Variants in CSMD1 observed in about 807,000 individuals in gnomAD.
CSMD1 encodes CUB and sushi domain-containing protein 1.
In CSMD1, 213 loss-of-function variants were observed where a neutral mutation model predicts 417.5. The ratio of observed to expected loss-of-function variants is 0.51; its 90% CI spans 0.46 to 0.57. The LOEUF is 0.57. Ranked by LOEUF, CSMD1 falls within the 20% of genes least tolerant of loss-of-function variation. The pLI is 0.00. For synonymous variants in CSMD1, 2,862 were observed against 1,736.8 expected (o/e 1.65, Z -16.11); for missense variants, 6,923 against 4,529.7 (o/e 1.53, Z -15.17).
chr8:2,993,904 C>T (rs1447680376), intron 54 of CSMD1, among the ~76,000 whole-genome samples: 1 of 151,294 alleles, frequency 6.6e-6, no homozygotes, highest in Non-Finnish European at 1.5e-5. Context: ...CAATGGCTCA[C>T]TCCTGTAATC....
chr8:4,708,987 G>A (rs1021413615), intron 1 of CSMD1, among the ~76,000 whole-genome samples: 1 of 152,078 alleles, frequency 6.6e-6, no homozygotes, highest in Non-Finnish European at 1.5e-5. Context: ...TCGATCTTGG[G>A]CTTCCAACCT....
At chr8:3,621,372 A>C (rs1796235784) in intron 7 of CSMD1, among the ~76,000 whole-genome samples, 1 of 152,180 alleles carries the variant, frequency 6.6e-6, no homozygotes. Flanking sequence ...AAGAGGTTAA[A>C]AACGAAGAGT....
intron 3 of CSMD1, among the ~76,000 whole-genome samples, chr8:4,105,309 A>C (rs1239396193): frequency 6.6e-6 from 1 of 151,030 alleles, no homozygotes; most frequent in Non-Finnish European, 1.5e-5. Flanking sequence ...TCATTGCTTT[A>C]GTGATCTTAA....
At chr8:4,707,886 C>CA (rs552510236) in intron 1 of CSMD1, among the ~76,000 whole-genome samples, 149 of 100,802 alleles carry the variant, frequency 1.5e-3, no homozygotes, top group Non-Finnish European at 2.2e-3. Context: ...GACTTTGTTT[C>CA]AAAAAAAAAA....
At chr8:3,449,618 A>G (rs892482186) in intron 12 of CSMD1, among the ~76,000 whole-genome samples, 5 of 152,078 alleles carry the variant, frequency 3.3e-5, no homozygotes, top group Admixed American at 6.6e-5. Flanking sequence ...CTTGGGTTCA[A>G]GCAATACTCC....
At chr8:3,898,691 G>C (rs998852079) in intron 5 of CSMD1, among the ~76,000 whole-genome samples, 6 of 152,196 alleles carry the variant, frequency 3.9e-5, no homozygotes, top group Admixed American at 2.6e-4. Context: ...CTCATTCAGA[G>C]TTCAGAATGG....
At chr8:4,470,103 C>T (rs1299383329) in intron 2 of CSMD1, among the ~76,000 whole-genome samples, 1 of 152,004 alleles carries the variant, frequency 6.6e-6, no homozygotes, top group Non-Finnish European at 1.5e-5. Context: ...ATCTCCTGAT[C>T]TCGTGATCCG....
chr8:4,353,472 A>G (rs2128902707), intron 3 of CSMD1, among the ~76,000 whole-genome samples: 1 of 152,200 alleles, frequency 6.6e-6, no homozygotes, highest in Admixed American at 6.6e-5. Flanking sequence ...GAAAAGAATA[A>G]TACATTCTTT....
At chr8:4,756,081 T>C (rs909570399) in intron 1 of CSMD1, among the ~76,000 whole-genome samples, 1 of 152,238 alleles carries the variant, frequency 6.6e-6, no homozygotes, top group Non-Finnish European at 1.5e-5. Context: ...AAGACCTTTA[T>C]TCTATGTATG....
intron 1 of CSMD1, among the ~76,000 whole-genome samples, chr8:4,885,331 T>C (rs1803668665): frequency 6.6e-6 from 1 of 152,116 alleles, no homozygotes; most frequent in Non-Finnish European, 1.5e-5. Flanking sequence ...GTCTTTCATT[T>C]TCTTGCCTAA....
At chr8:4,877,768 G>A (rs1222725895) in intron 1 of CSMD1, among the ~76,000 whole-genome samples, 2 of 152,124 alleles carry the variant, frequency 1.3e-5, no homozygotes, top group East Asian at 1.9e-4. Context: ...ATTCATGCCT[G>A]TAAAAAGTAC....
intron 3 of CSMD1, among the ~76,000 whole-genome samples, chr8:4,310,332 C>T (rs4875324): frequency 0.63 from 96,237 of 152,012 alleles, 31,448 homozygotes; most frequent in East Asian, 0.86. Context: ...GGCCTCCACA[C>T]TGGAATGAAT....
chr8:3,816,867 A>T (rs191765888), intron 5 of CSMD1, among the ~76,000 whole-genome samples: 2 of 152,198 alleles, frequency 1.3e-5, no homozygotes, highest in Admixed American at 1.3e-4. Context: ...CTCAGGGGTA[A>T]GGGGGCACTA....
At chr8:3,516,494 G>T (rs74888060) in intron 10 of CSMD1, among the ~76,000 whole-genome samples, 2 of 152,150 alleles carry the variant, frequency 1.3e-5, no homozygotes, top group East Asian at 1.9e-4. Context: ...AGAGGCTGTA[G>T]TATCTATGCT....
chr8:3,917,288 T>C (rs1424347232), intron 5 of CSMD1, among the ~76,000 whole-genome samples: 2 of 152,120 alleles, frequency 1.3e-5, no homozygotes, highest in East Asian at 3.9e-4. Flanking sequence ...GTTCCTGAAA[T>C]TAGGTGATGC....
chr8:3,980,163 AAT>A (rs1024226465), intron 5 of CSMD1, among the ~76,000 whole-genome samples: 1 of 152,218 alleles, frequency 6.6e-6, no homozygotes, highest in Non-Finnish European at 1.5e-5. Context: ...AGCATTTTAT[AAT>A]ATATGACACA....
Position 3,507,491 on chromosome 8 carries a change from A to T in CSMD1, c.1345-13765T>A, listed in dbSNP as rs551537595. Among the ~76,000 whole-genome samples, 6 of 152,316 alleles carry T rather than the reference A, an allele frequency of 3.9e-5. No individual in the cohort carries two copies. In the South Asian group the frequency reaches 6.2e-4, roughly 16 times the overall value. ...CGTGTGCATGTGTCTTTATAGCAGC[A>T]TGATTTATAATCCTTTGGGTATATA... On this transcript the variant is annotated intron_variant, in intron 10 of 69. Transcript: ENST00000635120.
chr8:4,838,662 G>T (rs1030670565), intron 1 of CSMD1, among the ~76,000 whole-genome samples: 4 of 152,188 alleles, frequency 2.6e-5, no homozygotes, highest in African/African-American at 9.6e-5. Flanking sequence ...ACGCGGAGGT[G>T]GGATGAGAAG....
At chr8:4,273,286 G>C (rs926210712) in intron 3 of CSMD1, among the ~76,000 whole-genome samples, 2 of 152,124 alleles carry the variant, frequency 1.3e-5, no homozygotes, top group Non-Finnish European at 2.9e-5. Flanking sequence ...ATGAATGTGA[G>C]TATATGTATA....
Sources: allele counts gnomAD v4.1 joint callset (sites outside exome capture counted in the v4.1 genomes callset), GRCh38; gene constraint gnomAD v4.1.1; transcripts MANE v1.5; gene names NCBI Gene and HGNC (gene_info 2026-07-23, HGNC 2026-07-21).